The following GNPDA1 variants were observed in gnomAD, a reference collection of about 807,000 sequenced individuals.
The protein encoded by GNPDA1 is GNPDA 1.
In GNPDA1, 24 loss-of-function variants were observed where a neutral mutation model predicts 28.5. That is an observed-to-expected ratio of 0.84 (90% CI 0.61 to 1.19). The LOEUF is 1.19. Among genes scored for constraint, GNPDA1 ranks in the 50% most tolerant of loss-of-function variants. GNPDA1 has a pLI of 0.00. For synonymous variants in GNPDA1, 147 were observed against 139.3 expected, an observed-to-expected ratio of 1.06 and a Z score of -0.39; for missense variants, 264 against 367.3, an observed-to-expected ratio of 0.72 and a Z score of 2.30.
chr5:142,008,918 C>A (rs1202395243), intron 2 of GNPDA1, among the ~76,000 whole-genome samples: 1 of 152,036 alleles, frequency 6.6e-6, no homozygotes, highest in East Asian at 1.9e-4. Flanking sequence ...TAGATGATGG[C>A]ATGATTTTTC....
intron 6 of GNPDA1, among the ~76,000 whole-genome samples, chr5:142,002,330 T>C (rs1561570068): frequency 6.6e-6 from 1 of 152,224 alleles, no homozygotes; most frequent in Non-Finnish European, 1.5e-5. Context: ...GGAACTTTTA[T>C]AAATTCAATC....
At chr5:142,005,472 GT>G (rs1755779394) in intron 4 of GNPDA1, 1 of 183,132 alleles carries the variant, frequency 5.5e-6, no homozygotes, top group Non-Finnish European at 1.2e-5. Flanking sequence ...TCTTCTGCCT[GT>G]AGTTAGAGGG....
rs761887606 is a variant in GNPDA1, at chr5:142,002,018, C to G, written c.*11G>C. 1.4e-6 allele frequency: 2 copies of G among 1,415,084 alleles called. No individual in the cohort carries two copies. The highest frequency in any genetic ancestry group is 2.0e-6 in the Non-Finnish European group (2 of 1,000,804). 87.7% of individuals were successfully genotyped at this position (1,415,084 alleles called of 1,614,324 possible). A position where few individuals can be genotyped will look rare whatever the true frequency, so the allele number is the denominator to read the frequency against. ...TCCCTATGGGTACTTGACACTAGGT[C>G]CCAGCACAGGCTAATCGCTGTATGG... On this transcript the variant is annotated 3_prime_UTR_variant, in exon 7 of 7. Transcript: ENST00000311337.
chr5:142,006,524 A>G (rs1453628858), intron 3 of GNPDA1, among the ~76,000 whole-genome samples, 198 bp from the exon 4 acceptor site: 4 of 152,166 alleles, frequency 2.6e-5, no homozygotes, highest in Non-Finnish European at 4.4e-5. Context: ...CCCACCCAGT[A>G]CCACCATCTG....
At chr5:142,006,646 A>G (rs1348645952) in intron 3 of GNPDA1, among the ~76,000 whole-genome samples, 1 of 152,000 alleles carries the variant, frequency 6.6e-6, no homozygotes, top group East Asian at 1.9e-4. Flanking sequence ...GGCTGGGGAC[A>G]CTCTGGCCAC....
intron 2 of GNPDA1, 21 bp downstream of exon 2, chr5:142,011,891 C>A: frequency 9.3e-6 from 15 of 1,613,666 alleles, no homozygotes; most frequent in Non-Finnish European, 1.3e-5. Flanking sequence ...TCCACGGCAC[C>A]CTCTCCATCC....
chr5:142,012,200 G>A (rs1755977387), intron 1 of GNPDA1, 159 bp from the exon 2 acceptor site: 1 of 641,954 alleles, frequency 1.6e-6, no homozygotes, highest in Non-Finnish European at 2.5e-6. Flanking sequence ...GAGCTAAGAG[G>A]CTAGGCCAGT....
intron 2 of GNPDA1, among the ~76,000 whole-genome samples, chr5:142,009,850 TG>T (rs2127096602): frequency 6.6e-6 from 1 of 152,274 alleles, no homozygotes; most frequent in Admixed American, 6.5e-5. Flanking sequence ...AAGGAACCCG[TG>T]TGGAAACGCT....
In GNPDA1 at chr5:142,004,985, C is replaced by T; in HGVS notation, c.541G>A (p.Val181Met). Residue 181 changes from valine to methionine, a missense_variant, in exon 5 of 7, where the codon GTG becomes ATG. Coordinates refer to ENST00000311337, the MANE Select transcript of GNPDA1 (RefSeq NM_005471.5). Reference sequence around the variant, plus strand: ...CCCACCGTCAAGGCCATGGTGGGCACCTTGGTGAGTTCTCCATCGAAGAAC... The same window carrying T: ...CCCACCGTCAAGGCCATGGTGGGCATCTTGGTGAGTTCTCCATCGAAGAAC... ...ARFFDGELTK[V>M]PTMALTVGVG... 6.2e-7 allele frequency: 1 copy of T among 1,613,356 alleles called. No homozygotes were observed. Among genetic ancestry groups the T allele is most frequent in the Non-Finnish European group, 8.5e-7 (1 of 1,179,402 alleles).
chr5:142,007,421 A>G (rs1397390848), intron 3 of GNPDA1, among the ~76,000 whole-genome samples: 1 of 152,164 alleles, frequency 6.6e-6, no homozygotes, highest in Admixed American at 6.5e-5. Flanking sequence ...CAGAAGAGAA[A>G]GCACAGACAC....
chr5:142,006,175 C>T lies in GNPDA1; in HGVS notation c.378G>A (p.Lys126=), dbSNP rs747130418. 3.1e-6 allele frequency: 5 copies of T among 1,614,052 alleles called. No homozygotes were observed. In the South Asian group the frequency reaches 5.5e-5, roughly 18 times the overall value. ...AECDAFEEKI[K]AAGGIELFVG... ...CAAATAGCTCGATCCCACCTGCAGC[C>T]TTGATCTTCTCTTCAAAGGCATCAC... Residue 126 remains lysine (K), a synonymous_variant, in exon 4 of 7, where the codon AAG becomes AAA. Transcript: ENST00000311337.
chr5:142,004,846 G>C, intron 5 of GNPDA1, 86 bp downstream of exon 5: 1 of 837,342 alleles, frequency 1.2e-6, no homozygotes. Context: ...TCTTTAATAA[G>C]AATGTAGGTG....
chr5:142,010,156 G>A (rs533584558), intron 2 of GNPDA1, among the ~76,000 whole-genome samples: 2 of 152,236 alleles, frequency 1.3e-5, no homozygotes, highest in South Asian at 2.1e-4. Context: ...AATTTGGCCT[G>A]CGGCCTTTAT....
At position 142,001,415 on chromosome 5, in the gene GNPDA1, G is replaced by A. The variant is rs2127086539; in HGVS notation, c.*614C>T. On this transcript the variant is annotated 3_prime_UTR_variant, in exon 7 of 7. Transcript: ENST00000311337. ...TTTATCAATAGAAGCCTCCTCTTTG[G>A]CCCCACCCACCCAAATCCACCCCCA... 6.6e-6 allele frequency: 1 copy of A among 152,356 alleles called. No individual in the cohort carries two copies. The highest frequency in any genetic ancestry group is 2.1e-4 in the South Asian group (1 of 4,820). The allele number at this position is 152,356 out of a possible 1,614,324, so 9.4% of individuals were successfully genotyped here.
At chr5:142,012,281 C>T in intron 1 of GNPDA1, 1 of 369,668 alleles carries the variant, frequency 2.7e-6, no homozygotes. Flanking sequence ...TCAGCTCCTT[C>T]ACTTACCACC....
chr5:142,004,662 A>G (rs1412788176), intron 5 of GNPDA1, among the ~76,000 whole-genome samples: 1 of 152,196 alleles, frequency 6.6e-6, no homozygotes, highest in Admixed American at 6.5e-5. Flanking sequence ...TGTGAAAAGC[A>G]TGAAAGGGGC....
chr5:142,002,165 G>A (rs748055108), intron 6 of GNPDA1, 36 bp from the exon 7 acceptor site: 1 of 1,110,932 alleles, frequency 9.0e-7, no homozygotes, highest in East Asian at 2.4e-5. Context: ...AGTTAATTCA[G>A]GCAGTGGCAA....
rs1561570507 is a variant in GNPDA1 at position 142,003,218 on chromosome 5, G to A, written c.639C>T (p.Tyr213=). The A allele has an allele frequency of 6.2e-7, 1 of 1,613,794 alleles. No homozygotes were observed. Among genetic ancestry groups the A allele is most frequent in the East Asian group, 2.2e-5 (1 of 44,880 alleles). ...ITGAHKAFAL[Y]KAIEEGVNHM... ...GGTTCACTCCCTCCTCGATGGCCTTGTACAGAGCAAATGCCTTGTGAGCAC... is the reference window on the plus strand; with the variant it reads ...GGTTCACTCCCTCCTCGATGGCCTTATACAGAGCAAATGCCTTGTGAGCAC... The change falls in exon 6 of 7, where the codon TAC becomes TAT. Residue 213 remains tyrosine, a synonymous_variant. Coordinates refer to ENST00000311337, the MANE Select transcript of GNPDA1 (RefSeq NM_005471.5). This position sits in a 1 kb window ranked among gnomAD's most constrained non-coding sequence, Gnocchi z 4.0.
chr5:142,007,923 G>C lies in GNPDA1; in HGVS notation c.125-23C>G, dbSNP rs370664462. On this transcript the variant is annotated intron_variant, in intron 2 of 6. Coordinates refer to ENST00000311337, the MANE Select transcript of GNPDA1 (RefSeq NM_005471.5). ...TCCCTGCAAGAGTGGCCACACCCAT[G>C]AACACCCCTTGCACCCCAAGTCTGG... 3 of 1,369,238 alleles carry C rather than the reference G, an allele frequency of 2.2e-6. No individual in the cohort carries two copies. In the African/African-American group the frequency reaches 4.3e-5, roughly 19 times the overall value. The allele number at this position is 1,369,238 out of a possible 1,614,324, so 84.8% of individuals were successfully genotyped here.
Sources: allele counts gnomAD v4.1 joint callset (sites outside exome capture counted in the v4.1 genomes callset), GRCh38; gene constraint gnomAD v4.1.1; non-coding constraint Gnocchi (gnomAD v3.1); transcripts MANE v1.5; gene names NCBI Gene and HGNC (gene_info 2026-07-23, HGNC 2026-07-21).